CAMK4: variants seen among roughly 807,000 people sequenced by gnomAD.
CAMK4 encodes the protein calcium/calmodulin dependent protein kinase IV, also known as calcium/calmodulin-dependent protein kinase type IV.
A neutral mutation model predicts 44.9 loss-of-function variants in CAMK4; 22 were observed. The ratio of observed to expected loss-of-function variants is 0.49; its 90% CI spans 0.35 to 0.70. CAMK4 has a LOEUF of 0.70. CAMK4 is among the 30% of genes least tolerant of loss of function. CAMK4 has a pLI of 0.01. For missense variants in CAMK4, 498 were observed against 586.8 expected, an observed-to-expected ratio of 0.85 and a Z score of 1.56; for synonymous variants, 218 against 215.4, an observed-to-expected ratio of 1.01 and a Z score of -0.11.
In CAMK4 at chr5:111,485,726, G is replaced by T. The variant is rs1299033015; in HGVS notation, c.*1260G>T. On this transcript the variant is annotated 3_prime_UTR_variant, in exon 11 of 11. Transcript: ENST00000282356. Reference sequence around the variant, plus strand: ...AAAAACAAACAAAAACAAAAATAAAGAAAAATACTGATTTCAAATCAGACT... The same window carrying T: ...AAAAACAAACAAAAACAAAAATAAATAAAAATACTGATTTCAAATCAGACT... The T allele has an allele frequency of 6.6e-6, 1 of 151,988 alleles. No individual in the cohort carries two copies. The highest frequency in any genetic ancestry group is 1.9e-4 in the East Asian group (1 of 5,192). The allele number at this position is 151,988 out of a possible 1,614,324, so 9.4% of individuals were successfully genotyped here.
chr5:111,376,264 A>G (rs1336551457), intron 3 of CAMK4, among the ~76,000 whole-genome samples: 1 of 151,940 alleles, frequency 6.6e-6, no homozygotes, highest in Non-Finnish European at 1.5e-5. Flanking sequence ...TATATGGAGA[A>G]AAATATATAA....
chr5:111,379,746 A>G (rs1751345841), intron 4 of CAMK4, among the ~76,000 whole-genome samples: 2 of 152,114 alleles, frequency 1.3e-5, no homozygotes, highest in African/African-American at 4.8e-5. Flanking sequence ...TAATGAATGA[A>G]CTAGGGGAGT....
Position 111,421,927 on chromosome 5 carries a change from G to T in CAMK4, c.460-24759G>T, listed in dbSNP as rs961372617. 2.0e-5 allele frequency among the ~76,000 whole-genome samples: 3 copies of T among 152,136 alleles called. No homozygotes were observed. The East Asian group carries it at 5.8e-4, about 29-fold the overall frequency. ...TGGTTTTATAAAGGACGGTTCGCTT[G>T]CACACACTCTCTTGCCTGCTGCCAT... On this transcript the variant is annotated intron_variant, in intron 5 of 10. Transcript: ENST00000282356.
intron 1 of CAMK4, among the ~76,000 whole-genome samples, chr5:111,267,594 C>T (rs1219747042): frequency 6.6e-6 from 1 of 150,694 alleles, no homozygotes; most frequent in East Asian, 2.0e-4. Flanking sequence ...GTCCCAGCTA[C>T]TCGGGAGGCT....
intron 2 of CAMK4, among the ~76,000 whole-genome samples, chr5:111,349,353 C>A (rs144123236): frequency 1.1e-3 from 169 of 151,902 alleles, no homozygotes; most frequent in African/African-American, 4.1e-3. Flanking sequence ...ATGCATAAGC[C>A]CTTCAGTATA....
At position 111,421,473 on chromosome 5, in the gene CAMK4, C is replaced by T. The variant is rs60519668; in HGVS notation, c.460-25213C>T. On this transcript the variant is annotated intron_variant, in intron 5 of 10. Coordinates refer to ENST00000282356, the MANE Select transcript of CAMK4 (RefSeq NM_001744.6). Reference sequence around the variant, plus strand: ...TGTTCAGCATCCCTGGCCCCAACACCGTGAATGCCAGTAGGAGGCTCAAAA... The same window carrying T: ...TGTTCAGCATCCCTGGCCCCAACACTGTGAATGCCAGTAGGAGGCTCAAAA... Among the ~76,000 whole-genome samples the T allele has an allele frequency of 1.5e-3, 231 of 152,300 alleles. 1 individual carries two copies. The highest frequency in any genetic ancestry group is 5.3e-3 in the African/African-American group (221 of 41,560).
chr5:111,307,994 G>GC (rs1748000272), intron 1 of CAMK4, among the ~76,000 whole-genome samples: 1 of 91,192 alleles, frequency 1.1e-5, no homozygotes, highest in Non-Finnish European at 2.0e-5. Context: ...GTAAACTATC[G>GC]CAAGAACAAA....
chr5:111,396,631 C>CTTTTTTTTTT (rs540495109), intron 5 of CAMK4, among the ~76,000 whole-genome samples: 1,163 of 47,036 alleles, frequency 0.025, 342 homozygotes, highest in Admixed American at 0.038. Context: ...AACTCATATT[C>CTTTTTTTTTT]TTTTTTTTTT....
At chr5:111,354,481 T>A (rs1750245462) in intron 2 of CAMK4, among the ~76,000 whole-genome samples, 1 of 152,036 alleles carries the variant, frequency 6.6e-6, no homozygotes, top group African/African-American at 2.4e-5. Flanking sequence ...ATGGATTTGT[T>A]AATTAGCTTG....
chr5:111,403,636 A>T (rs1752310744), intron 5 of CAMK4, among the ~76,000 whole-genome samples: 1 of 152,186 alleles, frequency 6.6e-6, no homozygotes, highest in African/African-American at 2.4e-5. Flanking sequence ...ATAGACATAG[A>T]ATAAAGTAGA....
intron 1 of CAMK4, among the ~76,000 whole-genome samples, chr5:111,251,044 T>C (rs553098836): frequency 6.6e-6 from 1 of 152,230 alleles, no homozygotes; most frequent in Non-Finnish European, 1.5e-5. Context: ...TGGACATTCT[T>C]TGCTATGGCT....
At chr5:111,273,696 TATATATATATATATATATATATACAC>T (rs1561377826) in intron 1 of CAMK4, among the ~76,000 whole-genome samples, 1 of 53,150 alleles carries the variant, frequency 1.9e-5, no homozygotes, top group African/African-American at 1.2e-4. Context: ...TATATATATA[TATATATATATATATATATATATACAC>T]ACACATACAT....
chr5:111,413,703 T>C (rs886210346), intron 5 of CAMK4, among the ~76,000 whole-genome samples: 63 of 152,030 alleles, frequency 4.1e-4, no homozygotes, highest in Non-Finnish European at 2.8e-4. Flanking sequence ...AAAATAAATA[T>C]AGCCATAAAA....
At chr5:111,283,291 CATTT>C (rs779371473) in intron 1 of CAMK4, among the ~76,000 whole-genome samples, 3 of 152,112 alleles carry the variant, frequency 2.0e-5, no homozygotes, top group Non-Finnish European at 2.9e-5. Context: ...GATCTTAAGT[CATTT>C]ATTTATGACT....
rs886746887 is a variant in CAMK4, at chr5:111,487,672, A to C, written c.*3206A>C. Reference sequence around the variant, plus strand: ...TCTTTATTTTTATACTGTTTTCAAAATCAAGAGTGTATGTTAGGCCTTTGG... The same window carrying C: ...TCTTTATTTTTATACTGTTTTCAAACTCAAGAGTGTATGTTAGGCCTTTGG... On this transcript the variant is annotated 3_prime_UTR_variant, in exon 11 of 11. Transcript: ENST00000282356. 6.6e-6 allele frequency: 1 copy of C among 152,214 alleles called. No individual in the cohort carries two copies. The highest frequency in any genetic ancestry group is 2.4e-5 in the African/African-American group (1 of 41,458). The allele number at this position is 152,214 out of a possible 1,614,324, so 9.4% of individuals were successfully genotyped here.
chr5:111,251,917 T>C (rs1276128266), intron 1 of CAMK4, among the ~76,000 whole-genome samples: 1 of 152,196 alleles, frequency 6.6e-6, no homozygotes, highest in Non-Finnish European at 1.5e-5. Context: ...CCAGTGTTTA[T>C]ATCTTATTGC....
At chr5:111,233,697 T>G (rs1748580426) in intron 1 of CAMK4, among the ~76,000 whole-genome samples, 1 of 152,232 alleles carries the variant, frequency 6.6e-6, no homozygotes, top group African/African-American at 2.4e-5. Flanking sequence ...AATTAATTTT[T>G]CCATTTGCTA....
intron 1 of CAMK4, among the ~76,000 whole-genome samples, chr5:111,274,456 G>T (rs1263277569): frequency 6.6e-6 from 1 of 152,154 alleles, no homozygotes; most frequent in Non-Finnish European, 1.5e-5. Flanking sequence ...ATTTGTGAAT[G>T]AGTGACAAGT....
chr5:111,446,317 G>A (rs939370251), intron 5 of CAMK4, among the ~76,000 whole-genome samples: 4 of 152,062 alleles, frequency 2.6e-5, no homozygotes, highest in Non-Finnish European at 4.4e-5. Flanking sequence ...ATCCAATTAC[G>A]CTTTTTAGAT....
Sources: allele counts gnomAD v4.1 joint callset (sites outside exome capture counted in the v4.1 genomes callset), GRCh38; gene constraint gnomAD v4.1.1; transcripts MANE v1.5; gene names NCBI Gene and HGNC (gene_info 2026-07-23, HGNC 2026-07-21).